PSAPL1: variants seen among roughly 807,000 people sequenced by gnomAD.
PSAPL1 encodes the protein prosaposin like 1.
For synonymous variants in PSAPL1, 351 were observed against 291.6 expected, an observed-to-expected ratio of 1.20 and a Z score of -2.08; for missense variants, 814 against 688.8, an observed-to-expected ratio of 1.18 and a Z score of -2.03.
At position 7,433,207 on chromosome 4, in the gene PSAPL1, C is replaced by G; in HGVS notation, c.*107G>C. 1 of 1,207,370 alleles carries G rather than the reference C, an allele frequency of 8.3e-7. No individual in the cohort carries two copies. Among genetic ancestry groups the G allele is most frequent in the African/African-American group, 1.5e-5 (1 of 64,942 alleles). The allele number at this position is 1,207,370 out of a possible 1,614,324, so 74.8% of individuals were successfully genotyped here. A position where few individuals can be genotyped will look rare whatever the true frequency, so the allele number is the denominator to read the frequency against. On this transcript the variant is annotated 3_prime_UTR_variant, in exon 1 of 1. Coordinates refer to ENST00000319098, the MANE Select transcript of PSAPL1 (RefSeq NM_001085382.2). ...TTTTGAACTTCAGCTCTGCTCCTTC[C>G]CAGCCTCCCTCCTCAGAGCTTCAGT... is the stretch of plus-strand genomic sequence containing the variant.
chr4:7,433,106 A>C lies in PSAPL1; in HGVS notation c.*208T>G. ...GGGGCACATGAGTGTGTTCCGGTCCAGTAGAGATGCTTTCAAGGGCAAAGC... is the reference window on the plus strand; with the variant it reads ...GGGGCACATGAGTGTGTTCCGGTCCCGTAGAGATGCTTTCAAGGGCAAAGC... On this transcript the variant is annotated 3_prime_UTR_variant, in exon 1 of 1. Coordinates refer to ENST00000319098, the MANE Select transcript of PSAPL1 (RefSeq NM_001085382.2). 2.3e-6 allele frequency: 1 copy of C among 443,218 alleles called. No individual in the cohort carries two copies. Among genetic ancestry groups the C allele is most frequent in the Non-Finnish European group, 3.7e-6 (1 of 266,870 alleles). The allele number at this position is 443,218 out of a possible 1,614,324, so 27.5% of individuals were successfully genotyped here. A position where few individuals can be genotyped will look rare whatever the true frequency, so the allele number is the denominator to read the frequency against.
rs1396371870 is a variant in PSAPL1 at position 7,432,537 on chromosome 4, C to G, written c.*777G>C. On this transcript the variant is annotated 3_prime_UTR_variant, in exon 1 of 1. Coordinates refer to ENST00000319098, the MANE Select transcript of PSAPL1 (RefSeq NM_001085382.2). ...TCCACATCCCGGTGGCCACCCCAGACTCCTCCGGCTTTTCCCGGGAGCTTT... is the reference window on the plus strand; with the variant it reads ...TCCACATCCCGGTGGCCACCCCAGAGTCCTCCGGCTTTTCCCGGGAGCTTT... 1 of 152,200 alleles carries G rather than the reference C, an allele frequency of 6.6e-6. No individual in the cohort carries two copies. The highest frequency in any genetic ancestry group is 1.5e-5 in the Non-Finnish European group (1 of 68,072). The allele number at this position is 152,200 out of a possible 1,614,324, so 9.4% of individuals were successfully genotyped here.
Position 7,433,908 on chromosome 4 carries a change from C to T in PSAPL1, c.972G>A (p.Val324=), listed in dbSNP as rs1298484259. The change falls in exon 1 of 1, where the codon GTG becomes GTA. Residue 324 remains valine, a synonymous_variant. Coordinates refer to ENST00000319098, the MANE Select transcript of PSAPL1 (RefSeq NM_001085382.2). ...TGATAGAGGCAGGCATTACCGAGCA[C>T]ACGCGCTCCAGGGCATGGGTGATCA... ...ELMITHALER[V]CSVMPASITK... 9.9e-6 allele frequency: 16 copies of T among 1,613,750 alleles called. No homozygotes were observed. The Admixed American group carries it at 1.7e-4, about 17-fold the overall frequency.
At position 7,434,660 on chromosome 4, in the gene PSAPL1, C is replaced by A. The variant is rs769256831; in HGVS notation, c.220G>T (p.Ala74Ser). 1 of 1,612,712 alleles carries A rather than the reference C, an allele frequency of 6.2e-7. No individual in the cohort carries two copies. Among genetic ancestry groups the A allele is most frequent in the Non-Finnish European group, 8.5e-7 (1 of 1,179,470 alleles). Residue 74 changes from alanine to serine, a missense_variant, in exon 1 of 1, where the codon GCT becomes TCT. Ala to Ser is a moderately conservative substitution (Grantham distance 99). Transcript: ENST00000319098. ...GCGTCAGGGTTCAGCCCATTGCCAGCGGCGGCTGCTATGTCCTGGCATACG... is the reference window on the plus strand; with the variant it reads ...GCGTCAGGGTTCAGCCCATTGCCAGAGGCGGCTGCTATGTCCTGGCATACG... The part of the protein sequence containing the change: ...CDVCQDIAAA[A>S]GNGLNPDATE...
chr4:7,433,766 C>T lies in PSAPL1; in HGVS notation c.1114G>A (p.Ala372Thr), dbSNP rs756785608. ...FIRLCGNRRR[A>T]RAVHDAYAIV... ...GCATAGGCATCATGGACTGCCCGGG[C>T]CCGCCTCCGGTTGCCACACAGACGG... is the stretch of plus-strand genomic sequence containing the variant. The change falls in exon 1 of 1, where the codon GCC becomes ACC. Residue 372 changes from alanine to threonine, a missense_variant. By Grantham distance (58) the Ala-to-Thr change is moderately conservative. Coordinates refer to ENST00000319098, the MANE Select transcript of PSAPL1 (RefSeq NM_001085382.2). The T allele has an allele frequency of 3.1e-6, 5 of 1,613,236 alleles. No homozygotes were observed. Among genetic ancestry groups the T allele is most frequent in the East Asian group, 4.5e-5 (2 of 44,884 alleles).
rs1726915467 is a variant in PSAPL1 at position 7,432,184 on chromosome 4, A to C, written c.*1130T>G. ...GGCACCGGGGCGAGGTGGAGGCACC[A>C]GGGTAAGGTGGAGGCTGTTGTAGCA... On this transcript the variant is annotated 3_prime_UTR_variant, in exon 1 of 1. Coordinates refer to ENST00000319098, the MANE Select transcript of PSAPL1 (RefSeq NM_001085382.2). 1 of 152,244 alleles carries C rather than the reference A, an allele frequency of 6.6e-6. No homozygotes were observed. The highest frequency in any genetic ancestry group is 1.5e-5 in the Non-Finnish European group (1 of 68,074). The allele number at this position is 152,244 out of a possible 1,614,324, so 9.4% of individuals were successfully genotyped here.
rs1209577513 is a variant in PSAPL1, at chr4:7,430,779, C to T, written c.*2535G>A. ...TTCTCCTGGGCTGGTATCTCCTCTCCCACAGCTGGACAGTTACAGCACCCT... is the reference window on the plus strand; with the variant it reads ...TTCTCCTGGGCTGGTATCTCCTCTCTCACAGCTGGACAGTTACAGCACCCT... On this transcript the variant is annotated 3_prime_UTR_variant, in exon 1 of 1. Transcript: ENST00000319098. 2 of 152,270 alleles carry T rather than the reference C, an allele frequency of 1.3e-5. No individual in the cohort carries two copies. The highest frequency in any genetic ancestry group is 2.4e-5 in the African/African-American group (1 of 41,386). The allele number at this position is 152,270 out of a possible 1,614,324, so 9.4% of individuals were successfully genotyped here.
At position 7,434,417 on chromosome 4, in the gene PSAPL1, T is replaced by C. The variant is rs1400853844; in HGVS notation, c.463A>G (p.Lys155Glu). The C allele has an allele frequency of 6.8e-6, 11 of 1,608,698 alleles. No homozygotes were observed. The East Asian group carries it at 2.5e-4, about 36-fold the overall frequency. ...RHLATLRPLS[K>E]EDTFEAVAPF... ...GCCACAGCCTCAAAGGTGTCCTCTT[T>C]GGAGAGTGGCCTCAGGGTGGCCAGG... The change falls in exon 1 of 1, where the codon AAA becomes GAA. Residue 155 changes from lysine to glutamate, a missense_variant. By Grantham distance (56) the Lys-to-Glu change is moderately conservative. Coordinates refer to ENST00000319098, the MANE Select transcript of PSAPL1 (RefSeq NM_001085382.2).
Position 7,433,845 on chromosome 4 carries a change from G to C in PSAPL1, c.1035C>G (p.Pro345=). Residue 345 remains proline (P), a synonymous_variant, in exon 1 of 1, where the codon CCC becomes CCG. Coordinates refer to ENST00000319098, the MANE Select transcript of PSAPL1 (RefSeq NM_001085382.2). ...ECIILVDTYS[P]SLVQLVAKIT... is the part of the protein sequence containing the mutation. ...TTTTGGCCACAAGCTGCACCAAGGA[G>C]GGGCTGTAGGTGTCCACCAAGATGA... 6.2e-7 allele frequency: 1 copy of C among 1,613,918 alleles called. No homozygotes were observed. Among genetic ancestry groups the C allele is most frequent in the Non-Finnish European group, 8.5e-7 (1 of 1,179,894 alleles).
chr4:7,434,144 C>A, the PSAPL1 span: 1 of 1,613,874 alleles, frequency 6.2e-7, no homozygotes, highest in South Asian at 1.1e-5. Flanking sequence ...CTGCAGAGCT[C>A]CTGCGGGGGG....
At position 7,434,176 on chromosome 4, in the gene PSAPL1, G is replaced by T; in HGVS notation, c.704C>A (p.Ala235Asp). The T allele has an allele frequency of 6.2e-7, 1 of 1,613,906 alleles. No homozygotes were observed. Among genetic ancestry groups the T allele is most frequent in the African/African-American group, 1.3e-5 (1 of 75,056 alleles). Residue 235 changes from alanine to aspartate, a missense_variant, in exon 1 of 1, where the codon GCT (alanine) becomes GAT (aspartate). By Grantham distance (126) the Ala-to-Asp change is moderately radical. Transcript: ENST00000319098. Reference sequence around the variant, plus strand: ...GGGGAGAAGCCTCAGTGCTTGGTCAGCAGGGACAAAAAACTGGAAGAGGTA... The same window carrying T: ...GGGGAGAAGCCTCAGTGCTTGGTCATCAGGGACAAAAAACTGGAAGAGGTA... ...KNYLFQFFVP[A>D]DQALRLLPPQ...
Position 7,433,343 on chromosome 4 carries a change from T to A in PSAPL1, c.1537A>T (p.Met513Leu). 3 of 1,426,582 alleles carry A rather than the reference T, an allele frequency of 2.1e-6. No homozygotes were observed. The highest frequency in any genetic ancestry group is 2.9e-5 in the African/African-American group (2 of 69,460). 88.4% of individuals were successfully genotyped at this position (1,426,582 alleles called of 1,614,324 possible). A position where few individuals can be genotyped will look rare whatever the true frequency, so the allele number is the denominator to read the frequency against. The change falls in exon 1 of 1, where the codon ATG becomes TTG. Residue 513 changes from methionine to leucine, a missense_variant. By Grantham distance (15) the Met-to-Leu change is conservative (BLOSUM62 2). Transcript: ENST00000319098. ...QHCQKHVWKE[M>L]HLHAGEHA ...GCGTGTTCCCCAGCGTGGAGGTGCA[T>A]CTCTTTCCATACATGCTTCTGGCAG...
chr4:7,433,884 G>T lies in PSAPL1; in HGVS notation c.996C>A (p.Ile332=). 1 of 1,613,936 alleles carries T rather than the reference G, an allele frequency of 6.2e-7. No individual in the cohort carries two copies. The highest frequency in any genetic ancestry group is 1.3e-5 in the African/African-American group (1 of 75,060). The part of the protein sequence containing the change: ...ERVCSVMPAS[I]TKECIILVDT... ...CCACCAAGATGATGCACTCCTTCGT[G>T]ATAGAGGCAGGCATTACCGAGCACA... is the stretch of plus-strand genomic sequence containing the variant. The change falls in exon 1 of 1, where the codon ATC becomes ATA. Residue 332 remains isoleucine, a synonymous_variant. Coordinates refer to ENST00000319098, the MANE Select transcript of PSAPL1 (RefSeq NM_001085382.2).
In PSAPL1 at chr4:7,433,725, T is replaced by A; in HGVS notation, c.1155A>T (p.Pro385=). 6.2e-7 allele frequency: 1 copy of A among 1,613,266 alleles called. No individual in the cohort carries two copies. The highest frequency in any genetic ancestry group is 8.5e-7 in the Non-Finnish European group (1 of 1,179,750). ...TGCCCTGGTTCTCCGCGTCCCACTC[T>A]GGGGACGGCACGATGGCATAGGCAT... is the stretch of plus-strand genomic sequence containing the variant. ...VHDAYAIVPS[P]EWDAENQGSF... is the part of the protein sequence containing the mutation. The change falls in exon 1 of 1, where the codon CCA becomes CCT. Residue 385 remains proline, a synonymous_variant. Coordinates refer to ENST00000319098, the MANE Select transcript of PSAPL1 (RefSeq NM_001085382.2).
rs1183171268 is a variant in PSAPL1 at position 7,434,842 on chromosome 4, C to T, written c.38G>A (p.Gly13Glu). The change falls in exon 1 of 1, where the codon GGG becomes GAG. Residue 13 changes from glycine to glutamate, a missense_variant. Coordinates refer to ENST00000319098, the MANE Select transcript of PSAPL1 (RefSeq NM_001085382.2). ...TGAGGTGGGGCTGGCCCTGGTGGCC[C>T]CCAGGAGGCTGGGCAGGAGGAGCAG... ...CALLLLPSLLGATRASPTSGP... is the reference protein window; with the variant it reads ...CALLLLPSLLEATRASPTSGP... 4 of 1,590,314 alleles carry T rather than the reference C, an allele frequency of 2.5e-6. No homozygotes were observed. The highest frequency in any genetic ancestry group is 3.4e-6 in the Non-Finnish European group (4 of 1,169,054).
Position 7,433,330 on chromosome 4 carries a change from G to A in PSAPL1, c.1550C>T (p.Ala517Val), listed in dbSNP as rs375187579. 7.9e-5 allele frequency: 112 copies of A among 1,420,034 alleles called. No individual in the cohort carries two copies. The African/African-American group carries it at 1.5e-3, about 19-fold the overall frequency. The allele number at this position is 1,420,034 out of a possible 1,614,324, so 88.0% of individuals were successfully genotyped here. ...CAGCCACGGTCACGCGTGTTCCCCA[G>A]CGTGGAGGTGCATCTCTTTCCATAC... ...KHVWKEMHLH[A>V]GEHA The change falls in exon 1 of 1, where the codon GCT (alanine) becomes GTT (valine). Residue 517 changes from alanine to valine, a missense_variant. Coordinates refer to ENST00000319098, the MANE Select transcript of PSAPL1 (RefSeq NM_001085382.2).
chr4:7,434,887 A>C lies in PSAPL1; in HGVS notation c.-8T>G. 1.3e-6 allele frequency: 2 copies of C among 1,545,066 alleles called. No homozygotes were observed. Among genetic ancestry groups the C allele is most frequent in the Admixed American group, 2.0e-5 (1 of 49,220 alleles). Reference sequence around the variant, plus strand: ...GAGCAGGGCACACAGCATGCTGCCCAGGGACTCTCTGGCTCCAGAGTACCC... The same window carrying C: ...GAGCAGGGCACACAGCATGCTGCCCCGGGACTCTCTGGCTCCAGAGTACCC... On this transcript the variant is annotated 5_prime_UTR_variant, in exon 1 of 1. Transcript: ENST00000319098.
Position 7,434,073 on chromosome 4 carries a change from C to T in PSAPL1, c.807G>A (p.Met269Ile), listed in dbSNP as rs1036754498. Residue 269 changes from methionine to isoleucine, a missense_variant, in exon 1 of 1, where the codon ATG (methionine) becomes ATA (isoleucine). By Grantham distance (10) the Met-to-Ile change is conservative. Transcript: ENST00000319098. ...CCAGCTCCAGGGAGGGGACCCCGTC[C>T]ATGGCCACTACTTGAGTCAAACGGG... ...APARLTQVVA[M>I]DGVPSLELGL... 2 of 1,611,528 alleles carry T rather than the reference C, an allele frequency of 1.2e-6. No individual in the cohort carries two copies. The highest frequency in any genetic ancestry group is 8.5e-7 in the Non-Finnish European group (1 of 1,178,196).
chr4:7,433,151 G>T lies in PSAPL1; in HGVS notation c.*163C>A. 1 of 686,138 alleles carries T rather than the reference G, an allele frequency of 1.5e-6. No individual in the cohort carries two copies. The allele number at this position is 686,138 out of a possible 1,614,324, so 42.5% of individuals were successfully genotyped here. A position where few individuals can be genotyped will look rare whatever the true frequency, so the allele number is the denominator to read the frequency against. On this transcript the variant is annotated 3_prime_UTR_variant, in exon 1 of 1. Coordinates refer to ENST00000319098, the MANE Select transcript of PSAPL1 (RefSeq NM_001085382.2). ...CAAAGCTGTGCGGCACCGTTGTTAAGAGAGAGGCTTTCGGGATCAGGAATA... is the reference window on the plus strand; with the variant it reads ...CAAAGCTGTGCGGCACCGTTGTTAATAGAGAGGCTTTCGGGATCAGGAATA...
Sources: gnomAD v4.1 joint callset for allele counts on GRCh38, gnomAD v4.1.1 for gene constraint, MANE v1.5 for transcripts, NCBI Gene and HGNC (gene_info 2026-07-23, HGNC 2026-07-21) for gene names.